Variants in PPM1D observed in about 807,000 individuals in gnomAD.
The protein encoded by PPM1D is protein phosphatase 1D.
PPM1D carries 52 observed loss-of-function variants against 58.3 expected under a neutral mutation model. The observed-to-expected ratio is 0.89, with a 90% confidence interval of 0.71 to 1.12. PPM1D has a LOEUF of 1.12. PPM1D is among the 50% of genes most tolerant of loss of function. PPM1D has a pLI of 0.00. For synonymous variants in PPM1D, 278 were observed against 285.1 expected (o/e 0.98, Z 0.25); for missense variants, 564 against 777.2 (o/e 0.73, Z 3.26).
At chr17:60,603,074 C>G (rs1396942852) in intron 1 of PPM1D, among the ~76,000 whole-genome samples, 3 of 152,162 alleles carry the variant, frequency 2.0e-5, no homozygotes, top group East Asian at 1.9e-4. Flanking sequence ...ACCCTGCCCC[C>G]CCAACAAGGA....
At chr17:60,615,405 G>A (rs533779298) in intron 1 of PPM1D, among the ~76,000 whole-genome samples, 183 of 151,956 alleles carry the variant, frequency 1.2e-3, no homozygotes, top group Non-Finnish European at 2.3e-3. Context: ...GTGAGACTCT[G>A]TCTGAGGAAA....
In PPM1D at chr17:60,663,429, TCTCCCCACAACCTC is replaced by T; in HGVS notation, c.1696_1709del (p.Leu566ThrfsTer7). ...GAAGTAGTGGTGCTCAGCCTGCAAG[TCTCCCCACAACCTC>T]ACAGCGAAAGAACTCTGTTAAACTC... is the stretch of plus-strand genomic sequence containing the variant. On this transcript the variant is annotated frameshift_variant, in exon 6 of 6. Coordinates refer to ENST00000305921, the MANE Select transcript of PPM1D (RefSeq NM_003620.4). LOFTEE classifies it high-confidence loss of function. The T allele has an allele frequency of 6.2e-7, 1 of 1,613,978 alleles. No individual in the cohort carries two copies. Among genetic ancestry groups the T allele is most frequent in the Non-Finnish European group, 8.5e-7 (1 of 1,180,004 alleles).
intron 2 of PPM1D, among the ~76,000 whole-genome samples, chr17:60,630,693 A>G (rs1351029823): frequency 6.6e-6 from 1 of 152,122 alleles, no homozygotes; most frequent in Non-Finnish European, 1.5e-5. Flanking sequence ...CAGTATCATT[A>G]TTTGTCTTTT....
chr17:60,601,399 A>C (rs1273092355), intron 1 of PPM1D, among the ~76,000 whole-genome samples: 1 of 152,200 alleles, frequency 6.6e-6, no homozygotes, highest in African/African-American at 2.4e-5. Context: ...GCGTAAGCTA[A>C]TTTAGAAGGG....
intron 3 of PPM1D, among the ~76,000 whole-genome samples, chr17:60,645,488 G>A (rs975403717): frequency 1.2e-3 from 171 of 144,136 alleles, no homozygotes; most frequent in Admixed American, 2.5e-3. Flanking sequence ...GTGTGTGTGT[G>A]TGTGTATGTG....
chr17:60,630,179 A>AT (rs1012609391), intron 2 of PPM1D, among the ~76,000 whole-genome samples: 6 of 152,034 alleles, frequency 3.9e-5, no homozygotes, highest in Admixed American at 3.3e-4. Flanking sequence ...TCTCTAAAAA[A>AT]TTTTTTTATA....
At chr17:60,659,004 A>G (rs533305205) in intron 5 of PPM1D, among the ~76,000 whole-genome samples, 14 of 152,268 alleles carry the variant, frequency 9.2e-5, no homozygotes, top group Non-Finnish European at 1.5e-4. Context: ...TAATAATACT[A>G]CTAAAGTAAA....
At chr17:60,658,938 G>A (rs915614495) in intron 5 of PPM1D, among the ~76,000 whole-genome samples, 1 of 152,154 alleles carries the variant, frequency 6.6e-6, no homozygotes, top group African/African-American at 2.4e-5. Flanking sequence ...CCAGCCTGCT[G>A]ACAGGGCAAG....
Position 60,656,928 on chromosome 17 carries a change from A to G in PPM1D, c.1260+87A>G, listed in dbSNP as rs572800650. ...ACCTGGAAACAATTTTTAAATTCTT[A>G]CAGGATTTTGGATTTGAACTCGATT... On this transcript the variant is annotated intron_variant, in intron 5 of 5. Coordinates refer to ENST00000305921, the MANE Select transcript of PPM1D (RefSeq NM_003620.4). 88 of 1,603,098 alleles carry G rather than the reference A, an allele frequency of 5.5e-5. No individual in the cohort carries two copies. In the African/African-American group the frequency reaches 1.0e-3, roughly 18 times the overall value.
At chr17:60,602,272 G>A (rs2030230984) in intron 1 of PPM1D, among the ~76,000 whole-genome samples, 1 of 152,186 alleles carries the variant, frequency 6.6e-6, no homozygotes, top group East Asian at 1.9e-4. Context: ...GCAACGAGAA[G>A]TCGACAGCAG....
chr17:60,656,086 G>A (rs1278854922), intron 4 of PPM1D, among the ~76,000 whole-genome samples: 1 of 152,030 alleles, frequency 6.6e-6, no homozygotes, highest in Non-Finnish European at 1.5e-5. Context: ...ATAAAACCTT[G>A]TTTTATTAGT....
chr17:60,613,625 G>C (rs1303065755), intron 1 of PPM1D, among the ~76,000 whole-genome samples: 1 of 152,242 alleles, frequency 6.6e-6, no homozygotes, highest in Non-Finnish European at 1.5e-5. Context: ...GAGAGGCGCG[G>C]GTGGGAACTG....
At chr17:60,645,474 G>GTC (rs1228954879) in intron 3 of PPM1D, among the ~76,000 whole-genome samples, 1 of 143,792 alleles carries the variant, frequency 7.0e-6, no homozygotes, top group Non-Finnish European at 1.5e-5. Flanking sequence ...GTGTGTGTGT[G>GTC]TGTGTGTGTG....
At chr17:60,633,733 C>G in intron 2 of PPM1D, 120 bp from the exon 3 acceptor site, 1 of 1,102,090 alleles carries the variant, frequency 9.1e-7, no homozygotes, top group African/African-American at 1.6e-5. Flanking sequence ...GTATTTGAAA[C>G]ACATAAGACA....
rs576563079 is a variant in PPM1D at position 60,630,198 on chromosome 17, TAAATA to T, written c.702-3647_702-3643del. 3.1e-3 allele frequency among the ~76,000 whole-genome samples: 465 copies of T among 152,038 alleles called. 3 individuals are homozygous for T. The highest frequency in any genetic ancestry group is 0.01 in the African/African-American group (433 of 41,524). On this transcript the variant is annotated intron_variant, in intron 2 of 5. Coordinates refer to ENST00000305921, the MANE Select transcript of PPM1D (RefSeq NM_003620.4). ...TAAAAAATTTTTTTATAATTATAAA[TAAATA>T]AAATAAATGAACAAAAAAGGAAATA...
rs774326373 is a variant in PPM1D at position 60,623,763 on chromosome 17, G to A, written c.701+14G>A. The A allele has an allele frequency of 7.4e-6, 12 of 1,610,838 alleles. No individual in the cohort carries two copies. In the East Asian group the frequency reaches 8.9e-5, roughly 12 times the overall value. On this transcript the variant is annotated intron_variant, in intron 2 of 5. Transcript: ENST00000305921. Reference sequence around the variant, plus strand: ...ACTTGGTGGGAGGTAACATTCTGTCGTTTTCTCTTTCCTCTTTTGGTTCTA... The same window carrying A: ...ACTTGGTGGGAGGTAACATTCTGTCATTTTCTCTTTCCTCTTTTGGTTCTA...
At position 60,600,311 on chromosome 17, in the gene PPM1D, C is replaced by A; in HGVS notation, c.-104C>A. ...GGGTCCGCCCCCTCCCCCTTCTCGG[C>A]GTCGTCGAAGATAAACAATAGTTGG... On this transcript the variant is annotated 5_prime_UTR_variant, in exon 1 of 6. Coordinates refer to ENST00000305921, the MANE Select transcript of PPM1D (RefSeq NM_003620.4). The A allele has an allele frequency of 1.4e-6, 2 of 1,462,338 alleles. No homozygotes were observed. Among genetic ancestry groups the A allele is most frequent in the Non-Finnish European group, 1.8e-6 (2 of 1,113,496 alleles). The allele number at this position is 1,462,338 out of a possible 1,614,324, so 90.6% of individuals were successfully genotyped here.
chr17:60,638,701 T>A (rs1380829864), intron 3 of PPM1D, among the ~76,000 whole-genome samples: 2 of 152,072 alleles, frequency 1.3e-5, no homozygotes, highest in African/African-American at 4.8e-5. Flanking sequence ...AAGAGCCATG[T>A]TATTGGTTTT....
At chr17:60,602,251 T>C (rs1343840469) in intron 1 of PPM1D, among the ~76,000 whole-genome samples, 1 of 152,176 alleles carries the variant, frequency 6.6e-6, no homozygotes. Context: ...TGTGATATCA[T>C]TGACTGCAGG....
Sources: gnomAD v4.1 joint callset for allele counts (sites outside exome capture counted in the v4.1 genomes callset) on GRCh38, gnomAD v4.1.1 for gene constraint, MANE v1.5 for transcripts, NCBI Gene and HGNC (gene_info 2026-07-23, HGNC 2026-07-21) for gene names.